Variants in ABCC2 observed in about 807,000 individuals in gnomAD.
ABCC2 encodes the protein ATP-binding cassette sub-family C member 2.
A neutral mutation model predicts 173.4 loss-of-function variants in ABCC2; 157 were observed. The observed-to-expected ratio is 0.91, with a 90% CI of 0.80 to 1.03. ABCC2 has a LOEUF of 1.03. Among genes scored for constraint, ABCC2 ranks in the 50% least tolerant of loss-of-function variants. The pLI is 0.00. For synonymous variants in ABCC2, 657 were observed against 693.5 expected, an observed-to-expected ratio of 0.95 and a Z score of 0.83; for missense variants, 1,822 against 1,852.3, an observed-to-expected ratio of 0.98 and a Z score of 0.30.
chr10:99,815,421 C>A (rs1046547863), intron 16 of ABCC2, among the ~76,000 whole-genome samples: 6 of 152,092 alleles, frequency 3.9e-5, no homozygotes, highest in Non-Finnish European at 8.8e-5. Context: ...GTCTCAAACT[C>A]CTGGCCTCAA....
chr10:99,846,502 C>G (rs1288169637), intron 29 of ABCC2, among the ~76,000 whole-genome samples: 2 of 152,176 alleles, frequency 1.3e-5, no homozygotes, highest in African/African-American at 2.4e-5. Flanking sequence ...GTTTGGGAGG[C>G]CGAGGCAGGT....
At position 99,787,001 on chromosome 10, in the gene ABCC2, C is replaced by CA. The variant is rs200187648; in HGVS notation, c.207+2237dup. ...TGGGTGACAGAGCAAGACTCCGTCT[C>CA]AAAAAAAAAAAAAAAAATTAGCCTG... On this transcript the variant is annotated intron_variant, in intron 2 of 31. Transcript: ENST00000647814. Among the ~76,000 whole-genome samples, 868 of 110,462 alleles carry CA rather than the reference C, an allele frequency of 7.9e-3. 3 individuals are homozygous for CA. The highest frequency in any genetic ancestry group is 0.021 in the African/African-American group (591 of 28,560). The allele number at this position is 110,462 out of a possible 152,430, so 72.5% of individuals were successfully genotyped here. A position where few individuals can be genotyped will look rare whatever the true frequency, so the allele number is the denominator to read the frequency against.
intron 15 of ABCC2, among the ~76,000 whole-genome samples, chr10:99,812,642 A>C (rs2038235824): frequency 6.6e-6 from 1 of 152,214 alleles, no homozygotes; most frequent in Non-Finnish European, 1.5e-5. Flanking sequence ...AAGATAACAT[A>C]GACCAGCAGT....
chr10:99,812,919 T>G, intron 15 of ABCC2, 99 bp from the exon 16 acceptor site: 1 of 1,513,614 alleles, frequency 6.6e-7, no homozygotes, highest in Non-Finnish European at 9.1e-7. Flanking sequence ...AGGGGAAATC[T>G]CCTGATACCA....
At chr10:99,804,401 A>G (rs1590154228) in intron 10 of ABCC2, 128 bp downstream of exon 10, 4 of 1,259,214 alleles carry the variant, frequency 3.2e-6, no homozygotes, top group Non-Finnish European at 4.5e-6. Context: ...TACCATCTCA[A>G]TTGTACTTAG....
chr10:99,802,921 A>G lies in ABCC2; in HGVS notation c.1210-1098A>G, dbSNP rs75524836. Among the ~76,000 whole-genome samples the G allele has an allele frequency of 6.1e-4, 93 of 152,318 alleles. 2 individuals carry two copies. In the East Asian group the frequency reaches 0.016, roughly 27 times the overall value. ...GGAAGCCCATACTACAAGATCAGGC[A>G]TCTAGATAGTGCCTGAAAAATCCTG... is the stretch of plus-strand genomic sequence containing the variant. On this transcript the variant is annotated intron_variant, in intron 9 of 31. Transcript: ENST00000647814.
At chr10:99,819,346 G>A in intron 19 of ABCC2, 77 bp downstream of exon 19, 5 of 1,377,730 alleles carry the variant, frequency 3.6e-6, no homozygotes, top group East Asian at 2.3e-5. Context: ...TTCCTGAACT[G>A]CTCAGTATCC....
At chr10:99,797,408 T>A in intron 7 of ABCC2, 77 bp downstream of exon 7, 1 of 1,333,618 alleles carries the variant, frequency 7.5e-7, no homozygotes, top group Non-Finnish European at 1.1e-6. Flanking sequence ...GGCGATTCTG[T>A]CCTTACATTT....
intron 28 of ABCC2, 136 bp from the exon 29 acceptor site, chr10:99,845,487 CA>C (rs1484674248): frequency 1.7e-6 from 2 of 1,178,478 alleles, no homozygotes; most frequent in Admixed American, 1.9e-5. Context: ...TCACCAAAAC[CA>C]AAATCAGTTT....
At chr10:99,806,272 G>A (rs1184482095) in intron 11 of ABCC2, among the ~76,000 whole-genome samples, 1 of 152,160 alleles carries the variant, frequency 6.6e-6, no homozygotes, top group African/African-American at 2.4e-5. Flanking sequence ...CTGCAGCGAT[G>A]GTAACTTGAG....
At chr10:99,803,094 G>A (rs957430437) in intron 9 of ABCC2, among the ~76,000 whole-genome samples, 4 of 152,064 alleles carry the variant, frequency 2.6e-5, no homozygotes, top group Non-Finnish European at 2.9e-5. Flanking sequence ...TTAGCCTCCC[G>A]AGCAGCTGGG....
chr10:99,793,920 G>T lies in ABCC2; in HGVS notation c.497G>T (p.Cys166Phe), dbSNP rs767088436. 6.2e-7 allele frequency: 1 copy of T among 1,613,760 alleles called. No homozygotes were observed. Among genetic ancestry groups the T allele is most frequent in the East Asian group, 2.2e-5 (1 of 44,874 alleles). Residue 166 changes from cysteine to phenylalanine, a missense_variant, in exon 5 of 32, where the codon TGC becomes TTC. Physicochemically the swap from Cys to Phe is radical, Grantham distance 205 (BLOSUM62 -2). Transcript: ENST00000647814. ...GACAATTCTAATCTAGCCTACTCCT[G>T]CCTGTTCTTCATCTCCTACGGATTC... ...QGDNSNLAYS[C>F]LFFISYGFQI...
chr10:99,804,683 C>T (rs2038069742), intron 10 of ABCC2, among the ~76,000 whole-genome samples: 1 of 152,138 alleles, frequency 6.6e-6, no homozygotes, highest in Admixed American at 6.5e-5. Flanking sequence ...CCCGCTACCA[C>T]CAGGTGGGAG....
At chr10:99,803,220 C>T (rs752307233) in intron 9 of ABCC2, among the ~76,000 whole-genome samples, 22 of 152,184 alleles carry the variant, frequency 1.4e-4, no homozygotes, top group Non-Finnish European at 2.4e-4. Context: ...CTGCCTGCCT[C>T]GTCCTTCCAA....
chr10:99,790,323 T>C (rs2037791423), intron 2 of ABCC2, among the ~76,000 whole-genome samples: 1 of 152,240 alleles, frequency 6.6e-6, no homozygotes, highest in Admixed American at 6.5e-5. Context: ...CACATGTTCA[T>C]ATGTTTAAAA....
rs545186194 is a variant in ABCC2 at position 99,808,127 on chromosome 10, C to A, written c.1713C>A (p.Asn571Lys). 3.1e-6 allele frequency: 5 copies of A among 1,614,110 alleles called. No homozygotes were observed. In the South Asian group the frequency reaches 5.5e-5, roughly 18 times the overall value. ...CTGTTTATGTCCTGGTGGATAGCAACAATATTTTGGATGCACAAAAGGCCT... is the reference window on the plus strand; with the variant it reads ...CTGTTTATGTCCTGGTGGATAGCAAAAATATTTTGGATGCACAAAAGGCCT... ...TFSVYVLVDS[N>K]NILDAQKAFT... The change falls in exon 13 of 32, where the codon AAC becomes AAA. Residue 571 changes from asparagine (N) to lysine (K), a missense_variant. By Grantham distance (94) the Asn-to-Lys change is moderately conservative (BLOSUM62 0). Coordinates refer to ENST00000647814, the MANE Select transcript of ABCC2 (RefSeq NM_000392.5).
chr10:99,843,044 T>A (rs1160760448), intron 26 of ABCC2, among the ~76,000 whole-genome samples: 1 of 150,248 alleles, frequency 6.7e-6, no homozygotes, highest in Non-Finnish European at 1.5e-5. Flanking sequence ...CAGAGCAAGA[T>A]TCCATCTCAA....
intron 30 of ABCC2, among the ~76,000 whole-genome samples, chr10:99,849,758 A>G (rs1033483194): frequency 6.6e-6 from 1 of 152,218 alleles, no homozygotes; most frequent in African/African-American, 2.4e-5. Context: ...GTGACTTCTC[A>G]TCTCCTGCAG....
In ABCC2 at chr10:99,836,231, C is replaced by T. The variant is rs750523367; in HGVS notation, c.3555C>T (p.His1185=). 23 of 1,614,064 alleles carry T rather than the reference C, an allele frequency of 1.4e-5. No homozygotes were observed. Among genetic ancestry groups the T allele is most frequent in the Non-Finnish European group, 1.9e-5 (22 of 1,180,050 alleles). ...AGCACCAGCAGCGATTTCTGAAACA[C>T]AATGAGGTGAGGATTGACACCAACC... is the stretch of plus-strand genomic sequence containing the variant. ...AFEHQQRFLK[H]NEVRIDTNQK... The change falls in exon 25 of 32, where the codon CAC becomes CAT. Residue 1185 remains histidine (H), a synonymous_variant. Coordinates refer to ENST00000647814, the MANE Select transcript of ABCC2 (RefSeq NM_000392.5).
Sources: gnomAD v4.1 joint callset for allele counts (sites outside exome capture counted in the v4.1 genomes callset) on GRCh38, gnomAD v4.1.1 for gene constraint, MANE v1.5 for transcripts, NCBI Gene and HGNC (gene_info 2026-07-23, HGNC 2026-07-21) for gene names.